AKAP19: variants seen among roughly 807,000 people sequenced by gnomAD.
The protein encoded by AKAP19 is small A-kinase anchoring protein.
chr2:190,049,052 A>T, the AKAP19 span, among the ~76,000 whole-genome samples: 1 of 152,188 alleles, frequency 6.6e-6, no homozygotes, highest in African/African-American at 2.4e-5. Context: ...AATAAAGACT[A>T]AAGTATGTGA....
chr2:189,977,958 A>G, the AKAP19 span, among the ~76,000 whole-genome samples: 1 of 152,326 alleles, frequency 6.6e-6, no homozygotes, highest in East Asian at 1.9e-4. Context: ...AAATTACATA[A>G]GCTGTTCAAC....
the AKAP19 span, among the ~76,000 whole-genome samples, chr2:190,049,442 ACTT>A: frequency 2.7e-4 from 41 of 152,340 alleles, no homozygotes; most frequent in South Asian, 1.0e-3. Context: ...AATTGGCACA[ACTT>A]CTACAGAGTG....
chr2:189,902,288 G>A, the AKAP19 span, among the ~76,000 whole-genome samples: 2 of 151,566 alleles, frequency 1.3e-5, no homozygotes, highest in Non-Finnish European at 2.9e-5. Context: ...TTCCTCCTGA[G>A]CATTATTGCT....
chr2:190,171,770 T>C, the AKAP19 span, among the ~76,000 whole-genome samples: 1 of 152,140 alleles, frequency 6.6e-6, no homozygotes, highest in Non-Finnish European at 1.5e-5. Context: ...ATAGACTAAG[T>C]TTATGGGGGG....
chr2:190,016,731 A>C, the AKAP19 span, among the ~76,000 whole-genome samples: 1 of 152,302 alleles, frequency 6.6e-6, no homozygotes, highest in African/African-American at 2.4e-5. Context: ...AGAATGTCCC[A>C]TGGGTGCTTA....
chr2:190,101,001 C>G, the AKAP19 span, among the ~76,000 whole-genome samples: 1 of 152,198 alleles, frequency 6.6e-6, no homozygotes, highest in Non-Finnish European at 1.5e-5. Flanking sequence ...AGCTCTGGAG[C>G]TAACTTGGGG....
the AKAP19 span, among the ~76,000 whole-genome samples, chr2:190,186,906 C>A: frequency 1.3e-5 from 2 of 152,054 alleles, no homozygotes; most frequent in African/African-American, 4.8e-5. This position sits in a 1 kb window ranked among gnomAD's most constrained non-coding sequence, Gnocchi z 5.5. Context: ...GTGGCGTGAC[C>A]ATGGCTCACT....
chr2:190,032,096 TG>T, the AKAP19 span, among the ~76,000 whole-genome samples: 4 of 152,212 alleles, frequency 2.6e-5, no homozygotes, highest in Non-Finnish European at 5.9e-5. Context: ...TTCTCTTTTT[TG>T]CAATATTAAC....
At chr2:189,910,609 TC>T in the AKAP19 span, among the ~76,000 whole-genome samples, 1 of 151,828 alleles carries the variant, frequency 6.6e-6, no homozygotes, top group Non-Finnish European at 1.5e-5. Context: ...TTTCTCTCTC[TC>T]CCCCCACCAC....
the AKAP19 span, among the ~76,000 whole-genome samples, chr2:189,959,560 T>A: frequency 0.01 from 1,542 of 152,332 alleles, 21 homozygotes; most frequent in African/African-American, 0.035. Context: ...ACTGATATTT[T>A]TCAAAAGTAA....
chr2:190,182,790 G>A, the AKAP19 span, among the ~76,000 whole-genome samples: 4 of 152,254 alleles, frequency 2.6e-5, no homozygotes, highest in Admixed American at 6.5e-5. Context: ...TCCATACCCC[G>A]TGTGCTTTGC....
the AKAP19 span, among the ~76,000 whole-genome samples, chr2:189,951,213 T>C: frequency 6.9e-6 from 1 of 144,814 alleles, no homozygotes; most frequent in African/African-American, 2.6e-5. Flanking sequence ...TTTTTTTTTT[T>C]TTTTTTGAGA....
chr2:190,055,548 TG>T, the AKAP19 span: 1 of 152,182 alleles, frequency 6.6e-6, no homozygotes, highest in Non-Finnish European at 1.5e-5. Flanking sequence ...TAAAGCAACT[TG>T]ACCAGGACCA....
At chr2:190,093,318 A>G in the AKAP19 span, among the ~76,000 whole-genome samples, 1 of 152,112 alleles carries the variant, frequency 6.6e-6, no homozygotes, top group Non-Finnish European at 1.5e-5. Flanking sequence ...CTGTAATCCC[A>G]GCTACTTGGG....
At chr2:189,895,121 C>G in the AKAP19 span, among the ~76,000 whole-genome samples, 103 of 152,026 alleles carry the variant, frequency 6.8e-4, no homozygotes, top group African/African-American at 2.4e-3. Context: ...AATTAGATCA[C>G]AACCATTAAC....
chr2:189,980,121 A>G, the AKAP19 span, among the ~76,000 whole-genome samples: 6 of 152,342 alleles, frequency 3.9e-5, no homozygotes, highest in African/African-American at 9.6e-5. Context: ...TTGTCTGTTT[A>G]TCACAGCATT....
chr2:190,102,499 C>T, the AKAP19 span, among the ~76,000 whole-genome samples: 11 of 151,808 alleles, frequency 7.2e-5, no homozygotes, highest in East Asian at 1.9e-4. Context: ...ATGACAAAGG[C>T]GACATTACAA....
the AKAP19 span, among the ~76,000 whole-genome samples, chr2:190,151,343 T>C: frequency 6.6e-6 from 1 of 152,304 alleles, no homozygotes; most frequent in Non-Finnish European, 1.5e-5. Context: ...GCGTTAGCTA[T>C]TTATCCTGAT....
the AKAP19 span, among the ~76,000 whole-genome samples, chr2:189,895,900 A>C: frequency 6.6e-6 from 1 of 151,790 alleles, no homozygotes; most frequent in African/African-American, 2.4e-5. Context: ...AGTCCCAGCT[A>C]CTCCAGGGGC....
Sources: gnomAD v4.1 joint callset for allele counts (sites outside exome capture counted in the v4.1 genomes callset) on GRCh38, gnomAD v4.1.1 for gene constraint, Gnocchi (gnomAD v3.1) non-coding constraint, MANE v1.5 for transcripts, NCBI Gene and HGNC (gene_info 2026-07-23, HGNC 2026-07-21) for gene names.